Variants in GCN1 observed in about 807,000 individuals in gnomAD.
GCN1 encodes the protein GCN1 activator of EIF2AK4.
Under a neutral mutation model 288.4 loss-of-function variants are expected in GCN1, and 90 were observed. The observed-to-expected ratio is 0.31, with a 90% CI of 0.26 to 0.37. GCN1 has a LOEUF of 0.37. Among genes scored for constraint, GCN1 ranks in the 10% least tolerant of loss-of-function variants. The probability of loss-of-function intolerance (pLI) is 1.00; values close to 1 mark genes in which losing one functional copy is unlikely to be tolerated. For synonymous variants in GCN1, 1,386 were observed against 1,420.2 expected, an observed-to-expected ratio of 0.98 and a Z score of 0.54; for missense variants, 2,586 against 3,419.9, an observed-to-expected ratio of 0.76 and a Z score of 6.08.
intron 14 of GCN1, among the ~76,000 whole-genome samples, chr12:120,170,965 G>C (rs1469202273): frequency 6.6e-6 from 1 of 151,606 alleles, no homozygotes; most frequent in South Asian, 2.1e-4. Flanking sequence ...TTCCAGACCA[G>C]CCTGACCAAT....
rs780831734 is a variant in GCN1 at position 120,142,721 on chromosome 12, G to T, written c.5615C>A (p.Ala1872Glu). 1 of 1,613,762 alleles carries T rather than the reference G, an allele frequency of 6.2e-7. No individual in the cohort carries two copies. ...CTCTACCCCCAGGGCAGTGATGATC[G>T]CCTGCAGCCAGTAGAAGGGGACAGA... ...DNFGTAQSNK[A>E]IITALGVERR... is the part of the protein sequence containing the mutation. Residue 1872 changes from alanine (A) to glutamate (E), a missense_variant and splice_region_variant, in exon 44 of 58, where the codon GCG becomes GAG. This residue lies in a region of GCN1 where 437 missense variants were observed against 570.5 expected (regional missense o/e 0.77). Coordinates refer to ENST00000300648, the MANE Select transcript of GCN1 (RefSeq NM_006836.2). This position sits in a 1 kb window ranked among gnomAD's most constrained non-coding sequence, Gnocchi z 4.9.
At chr12:120,157,060 C>A in intron 26 of GCN1, 68 bp from the exon 27 acceptor site, 1 of 994,762 alleles carries the variant, frequency 1.0e-6, no homozygotes, top group Non-Finnish European at 1.6e-6. Context: ...CGGCCAACGG[C>A]AGGGCATCCT....
intron 14 of GCN1, among the ~76,000 whole-genome samples, chr12:120,171,992 G>C (rs1050552937): frequency 3.9e-5 from 6 of 152,148 alleles, no homozygotes; most frequent in Non-Finnish European, 7.4e-5. Context: ...CACCTGTGTA[G>C]CTGGGACCAC....
At chr12:120,131,518 G>A (rs1292135705) in intron 54 of GCN1, among the ~76,000 whole-genome samples, 185 bp from the exon 55 acceptor site, 1 of 152,224 alleles carries the variant, frequency 6.6e-6, no homozygotes, top group African/African-American at 2.4e-5. Context: ...GGCACATTAA[G>A]GAAAGTAAGG....
chr12:120,165,608 C>G (rs1290356010), intron 16 of GCN1, among the ~76,000 whole-genome samples: 2 of 151,928 alleles, frequency 1.3e-5, no homozygotes, highest in African/African-American at 4.8e-5. Flanking sequence ...GCTGGGATTA[C>G]AGAAGCCCAC....
intron 38 of GCN1, among the ~76,000 whole-genome samples, chr12:120,146,281 A>T (rs1877359235): frequency 6.6e-6 from 1 of 151,986 alleles, no homozygotes; most frequent in African/African-American, 2.4e-5. Context: ...AAAAAAAAAA[A>T]AAATTAACAG....
At position 120,129,125 on chromosome 12, in the gene GCN1, G is replaced by A. The variant is rs552408405; in HGVS notation, c.7890+151C>T. ...ATTACAGGCGCGAGCCACCGCGCCC[G>A]GCCCCAGTCACCCAAATCTTAATCT... On this transcript the variant is annotated intron_variant, in intron 57 of 57. Coordinates refer to ENST00000300648, the MANE Select transcript of GCN1 (RefSeq NM_006836.2). 1.0e-4 allele frequency: 72 copies of A among 695,040 alleles called. 1 individual carries two copies. The highest frequency in any genetic ancestry group is 7.2e-4 in the South Asian group (41 of 56,580). 43.1% of individuals were successfully genotyped at this position (695,040 alleles called of 1,614,324 possible).
chr12:120,174,610 G>A (rs949844240), intron 12 of GCN1, among the ~76,000 whole-genome samples: 2 of 151,728 alleles, frequency 1.3e-5, no homozygotes, highest in African/African-American at 4.8e-5. Flanking sequence ...CCAACGTGGT[G>A]AAACCCTGTC....
chr12:120,159,786 C>T, intron 24 of GCN1, 39 bp downstream of exon 24: 1 of 1,578,622 alleles, frequency 6.3e-7, no homozygotes. Flanking sequence ...CTCAGGGGCA[C>T]CCCTGGGCCA....
intron 42 of GCN1, among the ~76,000 whole-genome samples, chr12:120,143,996 A>C (rs1220588857): frequency 6.6e-6 from 1 of 152,138 alleles, no homozygotes; most frequent in African/African-American, 2.4e-5. Flanking sequence ...TTTTCTCCTA[A>C]GACAGCGTCT....
intron 16 of GCN1, among the ~76,000 whole-genome samples, chr12:120,166,281 T>C (rs1274397364): frequency 6.6e-6 from 1 of 151,166 alleles, no homozygotes; most frequent in East Asian, 2.0e-4. Context: ...TGTGCACCTG[T>C]AGTCCCAGCT....
rs1877008193 is a variant in GCN1, at chr12:120,136,502, C to G, written c.7008G>C (p.Lys2336Asn). ...LLETLSLLLA[K>N]VGIALKPFLP... ...CTGAACAAACTCATCAGCCACTCACCTTAGCCAACAAGAGGCTGAGTGTCT... is the reference window on the plus strand; with the variant it reads ...CTGAACAAACTCATCAGCCACTCACGTTAGCCAACAAGAGGCTGAGTGTCT... The change falls in exon 51 of 58, where the codon AAG becomes AAC. Residue 2336 changes from lysine (K) to asparagine (N), a missense_variant and splice_region_variant. Lys to Asn is a moderately conservative substitution (Grantham distance 94). Transcript: ENST00000300648. 5.6e-6 allele frequency: 9 copies of G among 1,611,516 alleles called. No homozygotes were observed. In the East Asian group the frequency reaches 1.3e-4, roughly 24 times the overall value.
In GCN1 at chr12:120,158,067, G is replaced by A. The variant is rs765700520; in HGVS notation, c.2906-37C>T. ...AGAAGCAGATAAGATTCTGCAGGCAGGGCAGGGACCCGGGCCACTGCTGCC... is the reference window on the plus strand; with the variant it reads ...AGAAGCAGATAAGATTCTGCAGGCAAGGCAGGGACCCGGGCCACTGCTGCC... On this transcript the variant is annotated intron_variant, in intron 25 of 57. Coordinates refer to ENST00000300648, the MANE Select transcript of GCN1 (RefSeq NM_006836.2). This position sits in a 1 kb window ranked among gnomAD's most constrained non-coding sequence, Gnocchi z 4.3. 5.6e-6 allele frequency: 9 copies of A among 1,603,120 alleles called. No individual in the cohort carries two copies. The highest frequency in any genetic ancestry group is 7.7e-6 in the Non-Finnish European group (9 of 1,172,148).
chr12:120,138,832 C>A lies in GCN1; in HGVS notation c.6019G>T (p.Val2007Leu), dbSNP rs536175743. The change falls in exon 46 of 58, where the codon GTG becomes TTG. Residue 2007 changes from valine to leucine, a missense_variant. Val to Leu is a conservative substitution (Grantham distance 32). This residue lies in a region of GCN1 where 437 missense variants were observed against 570.5 expected (regional missense o/e 0.77). Coordinates refer to ENST00000300648, the MANE Select transcript of GCN1 (RefSeq NM_006836.2). ...DAVLYFSESL[V>L]PTARKALCDP... Reference sequence around the variant, plus strand: ...CACAAAGCCTTCCTTGCCGTGGGCACGAGGGATTCAGAGAAATACAGCACC... The same window carrying A: ...CACAAAGCCTTCCTTGCCGTGGGCAAGAGGGATTCAGAGAAATACAGCACC... The A allele has an allele frequency of 1.9e-6, 3 of 1,612,992 alleles. No individual in the cohort carries two copies. The Admixed American group carries it at 5.0e-5, about 27-fold the overall frequency.
Position 120,144,962 on chromosome 12 carries a change from A to G in GCN1, c.5116T>C (p.Tyr1706His). 1 of 1,614,154 alleles carries G rather than the reference A, an allele frequency of 6.2e-7. No homozygotes were observed. The highest frequency in any genetic ancestry group is 8.5e-7 in the Non-Finnish European group (1 of 1,180,022). Residue 1706 changes from tyrosine to histidine, a missense_variant, in exon 40 of 58, where the codon TAT (tyrosine) becomes CAT (histidine). Transcript: ENST00000300648. This position sits in a 1 kb window ranked among gnomAD's most constrained non-coding sequence, Gnocchi z 4.7. Reference sequence around the variant, plus strand: ...GAGCGATCCACAGAGCTCTGCTCATAGGTCAGTGTCTCCATCAGCCACGGC... The same window carrying G: ...GAGCGATCCACAGAGCTCTGCTCATGGGTCAGTGTCTCCATCAGCCACGGC... ...LLPWLMETLT[Y>H]EQSSVDRSGA...
chr12:120,177,717 C>A lies in GCN1; in HGVS notation c.696G>T (p.Leu232=), dbSNP rs767085980. ...ALLDFYMKNI[L]MSKVKPPKYL... is the part of the protein sequence containing the mutation. ...ACTTCGGAGGCTTGACTTTGCTCAT[C>A]AGGATGTTCTTCATGTAAAAGTCCA... Residue 232 remains leucine, a synonymous_variant, in exon 8 of 58, where the codon CTG becomes CTT. Coordinates refer to ENST00000300648, the MANE Select transcript of GCN1 (RefSeq NM_006836.2). 1 of 1,613,768 alleles carries A rather than the reference C, an allele frequency of 6.2e-7. No individual in the cohort carries two copies.
At chr12:120,192,250 A>T (rs1879025508) in intron 1 of GCN1, among the ~76,000 whole-genome samples, 1 of 152,234 alleles carries the variant, frequency 6.6e-6, no homozygotes, top group Admixed American at 6.5e-5. Context: ...AATCTCTCCC[A>T]GAGTTTTCTG....
chr12:120,142,705 C>T lies in GCN1; in HGVS notation c.5631G>A (p.Leu1877=), dbSNP rs377568406. 5.0e-6 allele frequency: 8 copies of T among 1,614,160 alleles called. No individual in the cohort carries two copies. Among genetic ancestry groups the T allele is most frequent in the South Asian group, 1.1e-5 (1 of 91,086 alleles). Residue 1877 remains leucine, a synonymous_variant, in exon 44 of 58, where the codon CTG becomes CTA. Transcript: ENST00000300648. The surrounding 1 kb of genome is among the most constrained non-coding windows in gnomAD (Gnocchi z 4.9). ...AQSNKAIITA[L]GVERRNRVLA... ...ACACCCGGTTCCGCCGCTCTACCCC[C>T]AGGGCAGTGATGATCGCCTGCAGCC...
intron 36 of GCN1, among the ~76,000 whole-genome samples, chr12:120,148,993 T>TTG (rs1877448630): frequency 6.6e-6 from 1 of 151,476 alleles, no homozygotes; most frequent in Non-Finnish European, 1.5e-5. Context: ...CCTATTTTTT[T>TTG]TTTTTTTGGT....
Sources: gnomAD v4.1 joint callset for allele counts (sites outside exome capture counted in the v4.1 genomes callset) on GRCh38, gnomAD v4.1.1 for gene constraint, gnomAD v4.1.1 regional missense constraint, Gnocchi (gnomAD v3.1) non-coding constraint, MANE v1.5 for transcripts, NCBI Gene and HGNC (gene_info 2026-07-23, HGNC 2026-07-21) for gene names.